The following AHNAK variants were observed in gnomAD, a reference collection of about 807,000 sequenced individuals.
The protein encoded by AHNAK is AHNAK nucleoprotein.
A neutral mutation model predicts 37.8 loss-of-function variants in AHNAK; 23 were observed. That is an observed-to-expected ratio of 0.61 (90% CI 0.44 to 0.86). The LOEUF is 0.86. Among genes scored for constraint, AHNAK ranks in the 40% least tolerant of loss-of-function variants. The probability of loss-of-function intolerance (pLI) is 0.00; values close to 1 mark genes in which losing one functional copy is unlikely to be tolerated. For missense variants in AHNAK, 7,411 were observed against 7,319.4 expected (o/e 1.01, Z -0.46); for synonymous variants, 2,481 against 2,636.3 (o/e 0.94, Z 1.80).
At chr11:62,460,011 G>A (rs1206688301) in intron 5 of AHNAK, among the ~76,000 whole-genome samples, 5 of 152,008 alleles carry the variant, frequency 3.3e-5, no homozygotes, top group Admixed American at 1.3e-4. Flanking sequence ...ATAGCTATTC[G>A]GGAGGCTGAG....
At position 62,450,553 on chromosome 11, in the gene AHNAK, C is replaced by T. The variant is rs575300357; in HGVS notation, c.443-16662G>A. ...TAAAAATCTCCAGCAGCTCCCTGCC[C>T]CCAGACATAAGACTTCACCATCAGC... On this transcript the variant is annotated intron_variant, in intron 5 of 5. Transcript: ENST00000257247. 5.3e-5 allele frequency among the ~76,000 whole-genome samples: 8 copies of T among 152,258 alleles called. No homozygotes were observed. In the East Asian group the frequency reaches 1.5e-3, roughly 29 times the overall value.
intron 1 of AHNAK, chr11:62,546,116 T>C (rs1590700582): frequency 1.3e-5 from 2 of 153,388 alleles, no homozygotes; most frequent in Non-Finnish European, 2.9e-5. Context: ...GGGCTGGTGG[T>C]ACAGAACAGG....
chr11:62,510,724 A>G (rs913690997), intron 4 of AHNAK, among the ~76,000 whole-genome samples: 1 of 151,916 alleles, frequency 6.6e-6, no homozygotes, highest in Non-Finnish European at 1.5e-5. Context: ...AGCCTGGGCA[A>G]CAGAATGAGA....
intron 5 of AHNAK, among the ~76,000 whole-genome samples, chr11:62,465,482 A>G (rs902520113): frequency 4.6e-5 from 7 of 151,978 alleles, no homozygotes; most frequent in Non-Finnish European, 1.0e-4. Context: ...GCGTTGTGGC[A>G]GGCGCCTGTA....
chr11:62,465,167 A>C (rs183874610), intron 5 of AHNAK, among the ~76,000 whole-genome samples: 37 of 152,168 alleles, frequency 2.4e-4, no homozygotes, highest in Non-Finnish European at 4.1e-4. Flanking sequence ...GGTGCCAAGC[A>C]GTCTCTTGGC....
In AHNAK at chr11:62,521,071, A is replaced by T. The variant is rs142162593; in HGVS notation, c.13346T>A (p.Met4449Lys). 579 of 1,613,952 alleles carry T rather than the reference A, an allele frequency of 3.6e-4. No homozygotes were observed. The highest frequency in any genetic ancestry group is 4.4e-4 in the Non-Finnish European group (521 of 1,180,018). Reference protein sequence around the residue: ...EGKLKGPKFKMPEMNIKAPKI... With the variant: ...EGKLKGPKFKKPEMNIKAPKI... ...GGGAGCTTTGATGTTCATCTCAGGC[A>T]TCTTAAATTTGGGCCCCTTCAATTT... is the stretch of plus-strand genomic sequence containing the variant. The change falls in exon 5 of 5, where the codon ATG (methionine) becomes AAG (lysine). Residue 4449 changes from methionine (M) to lysine (K), a missense_variant. By Grantham distance (95) the Met-to-Lys change is moderately conservative. Coordinates refer to ENST00000378024, the MANE Select transcript of AHNAK (RefSeq NM_001620.3).
In AHNAK at chr11:62,530,063, A is replaced by G. The variant is rs1039612960; in HGVS notation, c.4354T>C (p.Ser1452Pro). 8 of 1,613,716 alleles carry G rather than the reference A, an allele frequency of 5.0e-6. No homozygotes were observed. Among genetic ancestry groups the G allele is most frequent in the Admixed American group, 1.7e-5 (1 of 59,940 alleles). The change falls in exon 5 of 5, where the codon TCC (serine) becomes CCC (proline). Residue 1452 changes from serine to proline, a missense_variant. Coordinates refer to ENST00000378024, the MANE Select transcript of AHNAK (RefSeq NM_001620.3). ...PEMSIKPQKI[S>P]IPDVGLHLKG... ...AAATGCAAACCAACATCTGGTATGG[A>G]TATCTTCTGAGGCTTTATACTCATT...
In AHNAK at chr11:62,533,862, T is replaced by C. The variant is rs57182734; in HGVS notation, c.555A>G (p.Pro185=). Reference sequence around the variant, plus strand: ...TGGAGATTTCAGTCAGTTCATGTCTTGGAATCTTGATCTTGAATTCAGGGC... The same window carrying C: ...TGGAGATTTCAGTCAGTTCATGTCTCGGAATCTTGATCTTGAATTCAGGGC... ...ISSPEFKIKI[P]RHELTEISNV... The change falls in exon 5 of 5, where the codon CCA becomes CCG. Residue 185 remains proline (P), a synonymous_variant. Coordinates refer to ENST00000378024, the MANE Select transcript of AHNAK (RefSeq NM_001620.3). 9 of 1,614,076 alleles carry C rather than the reference T, an allele frequency of 5.6e-6. No homozygotes were observed. In the Admixed American group the frequency reaches 6.7e-5, roughly 12 times the overall value.
At position 62,526,626 on chromosome 11, in the gene AHNAK, C is replaced by T. The variant is rs919434535; in HGVS notation, c.7791G>A (p.Val2597=). The T allele has an allele frequency of 6.2e-7, 1 of 1,613,528 alleles. No homozygotes were observed. The highest frequency in any genetic ancestry group is 1.3e-5 in the African/African-American group (1 of 74,706). Residue 2597 remains valine, a synonymous_variant, in exon 5 of 5, where the codon GTG becomes GTA. Transcript: ENST00000378024. Reference sequence around the variant, plus strand: ...CTTCCACTTTGGGCAGAGAAACATCCACATCGCCCTTCACCTTGGGACCTT... The same window carrying T: ...CTTCCACTTTGGGCAGAGAAACATCTACATCGCCCTTCACCTTGGGACCTT... ...HLKGPKVKGD[V]DVSLPKVEGD...
At chr11:62,494,336 A>G (rs1190517443) in intron 4 of AHNAK, among the ~76,000 whole-genome samples, 1 of 152,116 alleles carries the variant, frequency 6.6e-6, no homozygotes, top group Non-Finnish European at 1.5e-5. Context: ...TTATAAAATG[A>G]AACTCAGAAT....
chr11:62,479,325 G>A (rs1280499011), intron 5 of AHNAK, among the ~76,000 whole-genome samples: 4 of 151,714 alleles, frequency 2.6e-5, no homozygotes, highest in Admixed American at 6.6e-5. Context: ...GCACCACCAC[G>A]TCTGGCTAAT....
rs757961380 is a variant in AHNAK, at chr11:62,529,442, C to T, written c.4975G>A (p.Asp1659Asn). 5.0e-6 allele frequency: 8 copies of T among 1,613,968 alleles called. No homozygotes were observed. The highest frequency in any genetic ancestry group is 1.3e-5 in the African/African-American group (1 of 74,864). The change falls in exon 5 of 5, where the codon GAC (aspartate) becomes AAC (asparagine). Residue 1659 changes from aspartate to asparagine, a missense_variant. By Grantham distance (23) the Asp-to-Asn change is conservative. Transcript: ENST00000378024. ...ACTTTGGGGCCTTTCAAGTGTAAGT[C>T]CACATCGGGCATGGAGATCTTGGGG... The part of the protein sequence containing the change: ...KAPKISMPDV[D>N]LHLKGPKVKG...
Position 62,532,398 on chromosome 11 carries a change from C to A in AHNAK, c.2019G>T (p.Leu673Phe). The A allele has an allele frequency of 6.2e-7, 1 of 1,614,128 alleles. No individual in the cohort carries two copies. The change falls in exon 5 of 5, where the codon TTG becomes TTT. Residue 673 changes from leucine to phenylalanine, a missense_variant. By Grantham distance (22) the Leu-to-Phe change is conservative (BLOSUM62 0). Transcript: ENST00000378024. ...CTTTAAGTTTTCCCCCCAGACCCTCCAAGTTGACATCTGGGGCTTCCACAT... is the reference window on the plus strand; with the variant it reads ...CTTTAAGTTTTCCCCCCAGACCCTCAAAGTTGACATCTGGGGCTTCCACAT... ...KVNVEAPDVN[L>F]EGLGGKLKGP... is the part of the protein sequence containing the mutation.
intron 1 of AHNAK, chr11:62,537,349 T>C (rs1032909621): frequency 1.3e-5 from 2 of 152,188 alleles, no homozygotes; most frequent in African/African-American, 4.8e-5. Flanking sequence ...CTCGACCTCC[T>C]GGGCTCAAGT....
At position 62,527,641 on chromosome 11, in the gene AHNAK, T is replaced by A; in HGVS notation, c.6776A>T (p.Glu2259Val). Reference protein sequence around the residue: ...PKFSMPGFKGEGPEVDVNLPK... With the variant: ...PKFSMPGFKGVGPEVDVNLPK... Reference sequence around the variant, plus strand: ...CAAGTTCACATCCACTTCTGGGCCCTCTCCTTTGAAGCCAGGCATGCTGAA... The same window carrying A: ...CAAGTTCACATCCACTTCTGGGCCCACTCCTTTGAAGCCAGGCATGCTGAA... Residue 2259 changes from glutamate to valine, a missense_variant, in exon 5 of 5, where the codon GAG becomes GTG. By Grantham distance (121) the Glu-to-Val change is moderately radical. Coordinates refer to ENST00000378024, the MANE Select transcript of AHNAK (RefSeq NM_001620.3). The A allele has an allele frequency of 1.2e-6, 2 of 1,614,008 alleles. No homozygotes were observed. The highest frequency in any genetic ancestry group is 1.7e-6 in the Non-Finnish European group (2 of 1,179,988).
At chr11:62,446,774 A>T (rs1046552590) in intron 5 of AHNAK, among the ~76,000 whole-genome samples, 6 of 151,818 alleles carry the variant, frequency 4.0e-5, no homozygotes, top group Non-Finnish European at 4.4e-5. Context: ...TGCCACCTCC[A>T]TGCCTCCTTC....
At chr11:62,465,188 A>G (rs1938881043) in intron 5 of AHNAK, among the ~76,000 whole-genome samples, 2 of 151,880 alleles carry the variant, frequency 1.3e-5, no homozygotes, top group Non-Finnish European at 2.9e-5. Context: ...TGTAAATATC[A>G]CCTACACACT....
At chr11:62,458,252 A>T (rs1347791955) in intron 5 of AHNAK, among the ~76,000 whole-genome samples, 1 of 152,110 alleles carries the variant, frequency 6.6e-6, no homozygotes, top group Admixed American at 6.6e-5. Context: ...AGAGAGAAAG[A>T]AAATACTTAG....
In AHNAK at chr11:62,528,616, G is replaced by T. The variant is rs1446311878; in HGVS notation, c.5801C>A (p.Pro1934His). 14 of 1,609,126 alleles carry T rather than the reference G, an allele frequency of 8.7e-6. No individual in the cohort carries two copies. Among genetic ancestry groups the T allele is most frequent in the Non-Finnish European group, 1.1e-5 (13 of 1,179,072 alleles). Residue 1934 changes from proline (P) to histidine (H), a missense_variant, in exon 5 of 5, where the codon CCC (proline) becomes CAC (histidine). Coordinates refer to ENST00000378024, the MANE Select transcript of AHNAK (RefSeq NM_001620.3). ...MPDVDLHLKG[P>H]KVKGDVDVSV... is the part of the protein sequence containing the mutation. ...CACATCCACATCCCCTTTGACTTTG[G>T]GGCCTTTCAAGTGTAAGTCCACATC...
Sources: allele counts gnomAD v4.1 joint callset (sites outside exome capture counted in the v4.1 genomes callset), GRCh38; gene constraint gnomAD v4.1.1; transcripts MANE v1.5; gene names NCBI Gene and HGNC (gene_info 2026-07-23, HGNC 2026-07-21).